Variants in MCTP2 observed in about 807,000 individuals in gnomAD.
The protein encoded by MCTP2 is multiple C2 and transmembrane domain-containing protein 2.
MCTP2 carries 132 observed loss-of-function variants against 111.6 expected under a neutral mutation model. The ratio of observed to expected loss-of-function variants is 1.18; its 90% CI spans 1.03 to 1.37. The LOEUF (loss-of-function observed/expected upper bound fraction) is 1.37, where lower values mean the gene tolerates loss of function less well. Among genes scored for constraint, MCTP2 ranks in the 40% most tolerant of loss-of-function variants. The pLI, the probability that MCTP2 is intolerant of heterozygous loss-of-function variation, is 0.00. For missense variants in MCTP2, 1,183 were observed against 1,067.9 expected, an observed-to-expected ratio of 1.11 and a Z score of -1.50; for synonymous variants, 395 against 387.7, an observed-to-expected ratio of 1.02 and a Z score of -0.22.
intron 1 of MCTP2, among the ~76,000 whole-genome samples, chr15:94,266,596 T>C (rs2073549757): frequency 6.6e-6 from 1 of 152,136 alleles, no homozygotes; most frequent in Non-Finnish European, 1.5e-5. Context: ...CACACTGAGG[T>C]ACCAACACTC....
intron 15 of MCTP2, 23 bp downstream of exon 15, chr15:94,399,085 T>TGA: frequency 1.7e-6 from 2 of 1,151,720 alleles, no homozygotes; most frequent in Non-Finnish European, 1.3e-6. Flanking sequence ...GGGTCATACT[T>TGA]CCCGGCTTTC....
intron 1 of MCTP2, among the ~76,000 whole-genome samples, chr15:94,297,631 G>A (rs1228832961): frequency 6.6e-6 from 1 of 152,094 alleles, no homozygotes; most frequent in Non-Finnish European, 1.5e-5. Context: ...CAGTCTGCTG[G>A]GTTTGCAAAG....
At chr15:94,357,171 G>T (rs548019660) in intron 9 of MCTP2, among the ~76,000 whole-genome samples, 1 of 152,164 alleles carries the variant, frequency 6.6e-6, no homozygotes, top group African/African-American at 2.4e-5. Flanking sequence ...TGTGCGCACT[G>T]CACAATTTTC....
chr15:94,394,772 G>GA (rs111538758), intron 14 of MCTP2, among the ~76,000 whole-genome samples: 14 of 146,680 alleles, frequency 9.5e-5, no homozygotes, highest in African/African-American at 2.2e-4. Flanking sequence ...CTCAAAGAAA[G>GA]AAAAAAAAAA....
chr15:94,232,746 A>T (rs572422688), intron 1 of MCTP2, among the ~76,000 whole-genome samples: 1 of 152,336 alleles, frequency 6.6e-6, no homozygotes, highest in South Asian at 2.1e-4. Flanking sequence ...GCACCTGTGT[A>T]ATCGCTGGTT....
chr15:94,430,345 C>A (rs1471697633), intron 17 of MCTP2, among the ~76,000 whole-genome samples: 1 of 150,364 alleles, frequency 6.7e-6, no homozygotes, highest in African/African-American at 2.5e-5. Flanking sequence ...CACAAGGAGT[C>A]CATGCTGCCT....
intron 20 of MCTP2, among the ~76,000 whole-genome samples, chr15:94,462,855 A>G (rs1243487907): frequency 6.6e-6 from 1 of 152,236 alleles, no homozygotes; most frequent in Non-Finnish European, 1.5e-5. Context: ...TAAAGAGTTT[A>G]GACCAATGGA....
intron 19 of MCTP2, among the ~76,000 whole-genome samples, chr15:94,454,964 G>A (rs533033542): frequency 6.6e-6 from 1 of 152,144 alleles, no homozygotes; most frequent in Admixed American, 6.5e-5. Flanking sequence ...GGGATTACAG[G>A]CATGTGCCAC....
At chr15:94,348,154 C>T (rs1291175455) in intron 8 of MCTP2, among the ~76,000 whole-genome samples, 1 of 151,874 alleles carries the variant, frequency 6.6e-6, no homozygotes, top group East Asian at 1.9e-4. Flanking sequence ...AATTAATTGA[C>T]TTCTAGTGCC....
chr15:94,322,858 A>G (rs2076689487), intron 4 of MCTP2, among the ~76,000 whole-genome samples: 2 of 152,214 alleles, frequency 1.3e-5, no homozygotes, highest in African/African-American at 2.4e-5. Context: ...AAGACAGCTC[A>G]CAAACCCCAA....
intron 20 of MCTP2, among the ~76,000 whole-genome samples, chr15:94,465,525 G>C (rs1048923612): frequency 6.6e-6 from 1 of 152,072 alleles, no homozygotes; most frequent in Non-Finnish European, 1.5e-5. Flanking sequence ...TCGGAACTCC[G>C]ACTAACTGAA....
At chr15:94,331,163 A>G (rs892809389) in intron 4 of MCTP2, among the ~76,000 whole-genome samples, 2 of 152,192 alleles carry the variant, frequency 1.3e-5, no homozygotes, top group African/African-American at 4.8e-5. Context: ...TTCTTCTTCT[A>G]TTTATAAAGT....
intron 19 of MCTP2, among the ~76,000 whole-genome samples, chr15:94,447,207 T>G (rs2084168267): frequency 1.3e-5 from 2 of 152,076 alleles, no homozygotes; most frequent in Admixed American, 1.3e-4. Flanking sequence ...ACCTGTAGAG[T>G]GCTTTGGATG....
chr15:94,452,289 T>C (rs1183310648), intron 19 of MCTP2, among the ~76,000 whole-genome samples: 1 of 152,200 alleles, frequency 6.6e-6, no homozygotes, highest in East Asian at 1.9e-4. Flanking sequence ...AAGAGAAATT[T>C]TGCAGTACAG....
At chr15:94,288,844 C>T (rs1264620208) in intron 1 of MCTP2, among the ~76,000 whole-genome samples, 2 of 152,078 alleles carry the variant, frequency 1.3e-5, no homozygotes, top group Non-Finnish European at 2.9e-5. Context: ...CTGAAAAATA[C>T]AATAGCTGCC....
chr15:94,433,452 C>T (rs1041620528), intron 17 of MCTP2, among the ~76,000 whole-genome samples: 7 of 152,092 alleles, frequency 4.6e-5, no homozygotes, highest in African/African-American at 1.4e-4. Flanking sequence ...AAGCAATGGT[C>T]CTAACATACG....
intron 8 of MCTP2, 97 bp downstream of exon 8, chr15:94,345,261 C>T (rs1596418721): frequency 8.5e-7 from 1 of 1,176,160 alleles, no homozygotes; most frequent in African/African-American, 1.6e-5. Flanking sequence ...CCAATCTTTA[C>T]ATCAAACAGA....
At chr15:94,386,900 C>T (rs1348500815) in intron 14 of MCTP2, among the ~76,000 whole-genome samples, 1 of 152,080 alleles carries the variant, frequency 6.6e-6, no homozygotes, top group Admixed American at 6.5e-5. Context: ...TGACTTAGCT[C>T]GCCTGCCTGC....
intron 1 of MCTP2, among the ~76,000 whole-genome samples, chr15:94,291,841 A>G (rs566898745): frequency 6.6e-4 from 101 of 152,340 alleles, no homozygotes; most frequent in Non-Finnish European, 1.2e-3. Context: ...TTTGGACAGT[A>G]AATATTTTAG....
Sources: gnomAD v4.1 joint callset for allele counts (sites outside exome capture counted in the v4.1 genomes callset) on GRCh38, gnomAD v4.1.1 for gene constraint, MANE v1.5 for transcripts, NCBI Gene and HGNC (gene_info 2026-07-23, HGNC 2026-07-21) for gene names.